AOPEP: variants seen among roughly 807,000 people sequenced by gnomAD.
AOPEP encodes aminopeptidase O.
A neutral mutation model predicts 98.1 loss-of-function variants in AOPEP; 77 were observed. The ratio of observed to expected loss-of-function variants is 0.78; its 90% confidence interval spans 0.65 to 0.95. The LOEUF is 0.95. Ranked by LOEUF, AOPEP falls within the 40% of genes least tolerant of loss-of-function variation. The pLI is 0.00. For synonymous variants in AOPEP, 346 were observed against 365.3 expected (o/e 0.95, Z 0.60); for missense variants, 1,024 against 1,024.7 (o/e 1.00, Z 0.01).
intron 3 of AOPEP, among the ~76,000 whole-genome samples, chr9:94,791,503 C>CA (rs34364751): frequency 0.036 from 4,940 of 136,860 alleles, 280 homozygotes; most frequent in East Asian, 0.2. Flanking sequence ...ACCTGTCTCT[C>CA]AAAAAAAAAA....
At chr9:94,895,239 T>A (rs7470453) in intron 5 of AOPEP, among the ~76,000 whole-genome samples, 11,557 of 115,524 alleles carry the variant, frequency 0.1, 806 homozygotes, top group African/African-American at 0.19. Flanking sequence ...TAAAATAAAA[T>A]AAAAAAAAAA....
intron 2 of AOPEP, among the ~76,000 whole-genome samples, chr9:94,761,878 T>C (rs1013121664): frequency 6.6e-6 from 1 of 152,202 alleles, no homozygotes; most frequent in African/African-American, 2.4e-5. Context: ...CTTCACACTT[T>C]TTTGAGATTA....
At chr9:94,996,048 GA>G (rs1424748172) in intron 11 of AOPEP, among the ~76,000 whole-genome samples, 1 of 152,210 alleles carries the variant, frequency 6.6e-6, no homozygotes, top group African/African-American at 2.4e-5. Flanking sequence ...AGAACACAGG[GA>G]GGGGAGGACA....
intron 7 of AOPEP, among the ~76,000 whole-genome samples, chr9:94,948,739 A>G (rs919505848): frequency 2.0e-5 from 3 of 152,212 alleles, no homozygotes; most frequent in Admixed American, 6.5e-5. Flanking sequence ...TTATTCTACC[A>G]TGAGTAGCTT....
intron 1 of AOPEP, among the ~76,000 whole-genome samples, chr9:94,757,140 A>T (rs764714561): frequency 6.6e-6 from 1 of 152,208 alleles, no homozygotes; most frequent in Non-Finnish European, 1.5e-5. Flanking sequence ...GTGAAAAGGG[A>T]TATTGTTCCC....
chr9:95,081,004 G>T (rs2069690810), intron 15 of AOPEP: 3 of 544,676 alleles, frequency 5.5e-6, no homozygotes, highest in Non-Finnish European at 9.8e-6. Flanking sequence ...GCCGCCTTGT[G>T]GCCCACACGT....
At chr9:94,886,095 C>A (rs75312856) in intron 5 of AOPEP, among the ~76,000 whole-genome samples, 3 of 152,082 alleles carry the variant, frequency 2.0e-5, no homozygotes, top group Admixed American at 6.6e-5. Flanking sequence ...AAAATTAAAA[C>A]CACAAAGCTT....
intron 5 of AOPEP, among the ~76,000 whole-genome samples, chr9:94,909,614 G>A (rs10993390): frequency 0.052 from 7,897 of 152,186 alleles, 297 homozygotes; most frequent in South Asian, 0.13. Flanking sequence ...AGAAGGCATC[G>A]CAGTCAACTG....
chr9:94,922,679 G>A (rs1345256781), intron 5 of AOPEP, among the ~76,000 whole-genome samples: 5 of 151,810 alleles, frequency 3.3e-5, no homozygotes, highest in African/African-American at 4.8e-5. Flanking sequence ...TACTGTTGGT[G>A]CCTGTTGCAT....
intron 5 of AOPEP, among the ~76,000 whole-genome samples, chr9:94,821,473 T>C (rs768362681): frequency 1.3e-5 from 2 of 152,258 alleles, no homozygotes; most frequent in South Asian, 2.1e-4. Context: ...CTTCAGACTT[T>C]GGCAGAGGCC....
intron 1 of AOPEP, among the ~76,000 whole-genome samples, chr9:94,729,183 G>GT (rs1344206488): frequency 6.6e-6 from 1 of 152,156 alleles, no homozygotes; most frequent in Non-Finnish European, 1.5e-5. Flanking sequence ...TAAAGGTTTG[G>GT]TTTTATAAAA....
At position 94,926,931 on chromosome 9, in the gene AOPEP, C is replaced by A. The variant is rs186579211; in HGVS notation, c.1555-1494C>A. 4.6e-5 allele frequency among the ~76,000 whole-genome samples: 7 copies of A among 152,300 alleles called. No homozygotes were observed. In the East Asian group the frequency reaches 1.4e-3, roughly 29 times the overall value. ...TTGGATGGTGTAACTTGTCATCAAC[C>A]TGGAGAAAGTCTAAATGCCTTCACA... On this transcript the variant is annotated intron_variant, in intron 6 of 16. Coordinates refer to ENST00000375315, the MANE Select transcript of AOPEP (RefSeq NM_001193329.3).
In AOPEP at chr9:94,924,008, C is replaced by T; in HGVS notation, c.1387C>T (p.Gln463Ter). The T allele has an allele frequency of 6.8e-7, 1 of 1,477,808 alleles. No homozygotes were observed. The highest frequency in any genetic ancestry group is 1.4e-5 in the South Asian group (1 of 72,226). 91.5% of individuals were successfully genotyped at this position (1,477,808 alleles called of 1,614,324 possible). A position where few individuals can be genotyped will look rare whatever the true frequency, so the allele number is the denominator to read the frequency against. The change falls in exon 6 of 17, where the codon CAG becomes TAG. Residue 463 changes from glutamine to a stop codon, truncating the protein, a stop_gained. Transcript: ENST00000375315. LOFTEE classifies it high-confidence loss of function. ...CAGCCCACACATCATGTTCCTCTCT[C>T]AGAGCATCTTGACAGGAGGGAACCA... ...MASPHIMFLSQSILTGGNHLC... is the reference protein window; with the variant it reads ...MASPHIMFLS
chr9:94,940,688 A>G (rs965689501), intron 7 of AOPEP, among the ~76,000 whole-genome samples: 7 of 152,228 alleles, frequency 4.6e-5, no homozygotes, highest in African/African-American at 1.7e-4. Flanking sequence ...GTTTGATGCT[A>G]TCATCTATGT....
At chr9:94,969,384 G>T (rs1001400699) in intron 10 of AOPEP, among the ~76,000 whole-genome samples, 1 of 150,830 alleles carries the variant, frequency 6.6e-6, no homozygotes, top group Admixed American at 6.6e-5. Flanking sequence ...TGATTTAGGC[G>T]TTAAAAAGTG....
rs1030656700 is a variant in AOPEP at position 94,773,084 on chromosome 9, T to A, written c.880T>A (p.Trp294Arg). The change falls in exon 3 of 17, where the codon TGG becomes AGG. Residue 294 changes from tryptophan to arginine, a missense_variant. Around this residue, in one of 3 missense-constraint regions of AOPEP, gnomAD observed 440 missense variants for 433.8 expected, o/e 1.01. Transcript: ENST00000375315. ...CQEPPVAMST[W>R]QATVRAAASF... is the part of the protein sequence containing the mutation. The stretch of plus-strand genomic sequence containing the variant: ...GGAGCCACCCGTTGCCATGTCAACA[T>A]GGCAGGCTACAGTTCGAGCAGCTGC... The A allele has an allele frequency of 2.5e-6, 4 of 1,614,178 alleles. No homozygotes were observed. The highest frequency in any genetic ancestry group is 3.4e-6 in the Non-Finnish European group (4 of 1,180,026).
At chr9:94,801,162 T>G (rs997872028) in intron 5 of AOPEP, among the ~76,000 whole-genome samples, 160 bp downstream of exon 5, 3 of 152,218 alleles carry the variant, frequency 2.0e-5, no homozygotes, top group African/African-American at 7.2e-5. Flanking sequence ...AGGGACAATT[T>G]TAATGCAGAC....
At position 94,979,444 on chromosome 9, in the gene AOPEP, A is replaced by G. The variant is rs763041171; in HGVS notation, c.1977+17A>G. On this transcript the variant is annotated intron_variant, in intron 11 of 16. Transcript: ENST00000375315. ...ATACCAAAGGTAACTCAAGATAACC[A>G]CTTTGGTAGAATCCATGGAGAGTAG... 2.6e-6 allele frequency: 4 copies of G among 1,554,298 alleles called. No homozygotes were observed. Among genetic ancestry groups the G allele is most frequent in the Admixed American group, 1.7e-5 (1 of 58,240 alleles).
At chr9:95,149,332 G>A in the AOPEP span, among the ~76,000 whole-genome samples, 1 of 151,956 alleles carries the variant, frequency 6.6e-6, no homozygotes, top group Admixed American at 6.6e-5. Flanking sequence ...GTAACTACTG[G>A]GGACTGAGCT....
Sources: allele counts gnomAD v4.1 joint callset (sites outside exome capture counted in the v4.1 genomes callset), GRCh38; gene constraint gnomAD v4.1.1; regional missense constraint gnomAD v4.1.1; transcripts MANE v1.5; gene names NCBI Gene and HGNC (gene_info 2026-07-23, HGNC 2026-07-21).